NALF1: variants seen among roughly 807,000 people sequenced by gnomAD.
NALF1 encodes family with sequence similarity 155 member A.
A neutral mutation model predicts 48.4 loss-of-function variants in NALF1; 3 were observed. The observed-to-expected ratio is 0.06, with a 90% confidence interval of 0.03 to 0.16. NALF1 has a LOEUF of 0.16. Among genes scored for constraint, NALF1 ranks in the 10% least tolerant of loss-of-function variants. NALF1 has a pLI of 1.00. For synonymous variants in NALF1, 262 were observed against 245.7 expected (o/e 1.07, Z -0.62); for missense variants, 526 against 571.5 (o/e 0.92, Z 0.81).
intron 1 of NALF1, among the ~76,000 whole-genome samples, chr13:107,756,680 T>A (rs1013525455): frequency 1.8e-4 from 27 of 152,168 alleles, no homozygotes; most frequent in Middle Eastern, 3.4e-3. Context: ...ACCATGAATA[T>A]CAACTTTCCT....
intron 1 of NALF1, among the ~76,000 whole-genome samples, chr13:107,489,507 A>G (rs1026826360): frequency 2.0e-5 from 3 of 152,094 alleles, no homozygotes; most frequent in Non-Finnish European, 2.9e-5. Flanking sequence ...CCAGACAAAA[A>G]CAAGCAATAG....
intron 1 of NALF1, among the ~76,000 whole-genome samples, chr13:107,490,984 A>G (rs1303756940): frequency 1.3e-5 from 2 of 152,178 alleles, no homozygotes; most frequent in African/African-American, 2.4e-5. Context: ...TATCTTCCAC[A>G]TTCAACTGAA....
intron 1 of NALF1, among the ~76,000 whole-genome samples, chr13:107,344,237 C>T (rs1882734305): frequency 6.6e-6 from 1 of 152,140 alleles, no homozygotes; most frequent in Admixed American, 6.6e-5. Flanking sequence ...CAGATGGCTT[C>T]ACTGAAGAAT....
chr13:107,320,462 A>T (rs752465897), intron 1 of NALF1, among the ~76,000 whole-genome samples: 9 of 152,132 alleles, frequency 5.9e-5, no homozygotes, highest in Non-Finnish European at 1.0e-4. Flanking sequence ...TCATTTTCTT[A>T]CTTCCTCACA....
chr13:107,847,172 A>C (rs1289069406), intron 1 of NALF1, among the ~76,000 whole-genome samples: 1 of 152,198 alleles, frequency 6.6e-6, no homozygotes, highest in Admixed American at 6.5e-5. Flanking sequence ...AATAATGCCT[A>C]ATAAAATTTA....
chr13:107,314,720 A>G (rs987304536), intron 1 of NALF1, among the ~76,000 whole-genome samples: 2 of 152,094 alleles, frequency 1.3e-5, no homozygotes, highest in Non-Finnish European at 2.9e-5. Flanking sequence ...TCTTTCACCC[A>G]TTTATGTTCC....
chr13:107,357,202 A>G (rs1594135169), intron 1 of NALF1, among the ~76,000 whole-genome samples: 1 of 152,214 alleles, frequency 6.6e-6, no homozygotes, highest in Non-Finnish European at 1.5e-5. Flanking sequence ...TGGAGGCCCC[A>G]GGAAACTCAC....
chr13:107,503,121 T>C (rs192552940), intron 1 of NALF1, among the ~76,000 whole-genome samples: 2 of 152,294 alleles, frequency 1.3e-5, no homozygotes, highest in Admixed American at 1.3e-4. Flanking sequence ...CAGGCTTAGA[T>C]TCATAGGAAC....
chr13:107,762,779 A>C (rs1415273006), intron 1 of NALF1, among the ~76,000 whole-genome samples: 1 of 152,234 alleles, frequency 6.6e-6, no homozygotes, highest in Admixed American at 6.5e-5. Flanking sequence ...CTGAACACTA[A>C]GAACAGTACA....
chr13:107,363,041 A>G (rs1883092351), intron 1 of NALF1, among the ~76,000 whole-genome samples: 1 of 152,184 alleles, frequency 6.6e-6, no homozygotes, highest in Non-Finnish European at 1.5e-5. Context: ...CACATAAACA[A>G]TGCCTGAAAT....
intron 1 of NALF1, among the ~76,000 whole-genome samples, chr13:107,808,383 T>C (rs1051390241): frequency 1.3e-5 from 2 of 152,074 alleles, no homozygotes; most frequent in Non-Finnish European, 2.9e-5. Flanking sequence ...CTTTTTCCCC[T>C]AGAGAATATA....
intron 1 of NALF1, among the ~76,000 whole-genome samples, chr13:107,665,541 G>A (rs1280220707): frequency 6.6e-6 from 1 of 152,026 alleles, no homozygotes; most frequent in Non-Finnish European, 1.5e-5. Flanking sequence ...TTCATGGCAT[G>A]GTAATTCTAC....
chr13:107,490,823 A>T (rs909559822), intron 1 of NALF1, among the ~76,000 whole-genome samples: 3 of 152,196 alleles, frequency 2.0e-5, no homozygotes, highest in African/African-American at 7.2e-5. Flanking sequence ...GAATAATAAC[A>T]TAATGTACTT....
intron 1 of NALF1, among the ~76,000 whole-genome samples, chr13:107,821,600 G>A (rs1022585937): frequency 6.6e-6 from 1 of 152,138 alleles, no homozygotes; most frequent in African/African-American, 2.4e-5. Flanking sequence ...TCTTCAAACT[G>A]TCAAGTCATG....
intron 1 of NALF1, among the ~76,000 whole-genome samples, chr13:107,575,640 C>T (rs550037444): frequency 3.9e-4 from 60 of 152,272 alleles, no homozygotes; most frequent in Non-Finnish European, 7.1e-4. Flanking sequence ...ACTCCCTTTG[C>T]ATTCCTCGGG....
intron 1 of NALF1, among the ~76,000 whole-genome samples, chr13:107,366,146 C>T (rs930173444): frequency 1.3e-4 from 20 of 152,156 alleles, no homozygotes; most frequent in African/African-American, 4.8e-4. Flanking sequence ...GACTCAATGC[C>T]AGTGAGAGAG....
At chr13:107,701,531 C>T (rs772665977) in intron 1 of NALF1, among the ~76,000 whole-genome samples, 14 of 152,064 alleles carry the variant, frequency 9.2e-5, no homozygotes, top group Non-Finnish European at 1.3e-4. Flanking sequence ...ATGAGATACA[C>T]GTGGGTCAAA....
intron 1 of NALF1, among the ~76,000 whole-genome samples, chr13:107,666,481 T>C (rs1880860317): frequency 6.6e-6 from 1 of 152,156 alleles, no homozygotes; most frequent in South Asian, 2.1e-4. Flanking sequence ...TCTCTTTTTG[T>C]CTGCAGCTAA....
chr13:107,297,456 T>G (rs1881747532), intron 1 of NALF1, among the ~76,000 whole-genome samples: 1 of 152,170 alleles, frequency 6.6e-6, no homozygotes, highest in African/African-American at 2.4e-5. Context: ...TTTCTACAAG[T>G]TAAAGGGAAG....
Sources: allele counts gnomAD v4.1 joint callset (sites outside exome capture counted in the v4.1 genomes callset), GRCh38; gene constraint gnomAD v4.1.1; transcripts MANE v1.5; gene names NCBI Gene and HGNC (gene_info 2026-07-23, HGNC 2026-07-21).